MAP4: variants seen among roughly 807,000 people sequenced by gnomAD.
MAP4 encodes the protein microtubule associated protein 4, also known as microtubule-associated protein 4.
MAP4 carries 76 observed loss-of-function variants against 170.2 expected under a neutral mutation model. That is an observed-to-expected ratio of 0.45 (90% CI 0.37 to 0.54). The LOEUF (loss-of-function observed/expected upper bound fraction) is 0.54. Ranked by LOEUF, MAP4 falls within the 20% of genes least tolerant of loss-of-function variation. The pLI, the probability that MAP4 is intolerant of heterozygous loss-of-function variation, is 0.00. For missense variants in MAP4, 2,506 were observed against 2,748.0 expected, an observed-to-expected ratio of 0.91 and a Z score of 1.97; for synonymous variants, 909 against 994.5, an observed-to-expected ratio of 0.91 and a Z score of 1.62.
intron 1 of MAP4, among the ~76,000 whole-genome samples, chr3:48,026,839 T>C (rs1189182197): frequency 6.6e-6 from 1 of 152,240 alleles, no homozygotes; most frequent in East Asian, 1.9e-4. Context: ...AGTATTAAAA[T>C]GTTCTCCATA....
chr3:47,916,845 C>G lies in MAP4; in HGVS notation c.982G>C (p.Val328Leu). ...KDVRWPTETD[V>L]SSAKNVVLPT... ...AGTACCACATTCTTGGCTGAAGATA[C>G]ATCTGTTTCTGTGGGCCATCTGACA... The change falls in exon 7 of 21, where the codon GTA (valine) becomes CTA (leucine). Residue 328 changes from valine (V) to leucine (L), a missense_variant. Physicochemically the swap from Val to Leu is conservative, Grantham distance 32 (BLOSUM62 1). This residue lies in a region of MAP4 where 2,008 missense variants were observed against 2,206.0 expected (regional missense o/e 0.91). Transcript: ENST00000683076. 6.2e-7 allele frequency: 1 copy of G among 1,614,208 alleles called. No individual in the cohort carries two copies. Among genetic ancestry groups the G allele is most frequent in the South Asian group, 1.1e-5 (1 of 91,082 alleles).
chr3:47,946,345 A>G (rs2100059895), intron 3 of MAP4, among the ~76,000 whole-genome samples: 1 of 151,894 alleles, frequency 6.6e-6, no homozygotes, highest in African/African-American at 2.4e-5. Flanking sequence ...AGAGTAGGCC[A>G]AAACAAGAGT....
At chr3:47,961,340 A>AAAAC (rs550621157) in intron 3 of MAP4, among the ~76,000 whole-genome samples, 150 of 152,348 alleles carry the variant, frequency 9.8e-4, no homozygotes, top group African/African-American at 3.3e-3. Context: ...TGATTCTATT[A>AAAAC]AAACAAACAA....
intron 3 of MAP4, among the ~76,000 whole-genome samples, chr3:47,953,116 A>C (rs1052338823): frequency 3.3e-5 from 5 of 152,138 alleles, no homozygotes; most frequent in Admixed American, 2.6e-4. Flanking sequence ...GTGATTTTAC[A>C]ATGGTTCTGC....
chr3:48,044,242 C>T (rs1030857267), intron 1 of MAP4, among the ~76,000 whole-genome samples: 1 of 151,398 alleles, frequency 6.6e-6, no homozygotes, highest in Non-Finnish European at 1.5e-5. Flanking sequence ...GTAAGCTCCA[C>T]CTCCCAGGTT....
At chr3:48,008,687 G>A (rs1377214465) in intron 1 of MAP4, among the ~76,000 whole-genome samples, 1 of 152,168 alleles carries the variant, frequency 6.6e-6, no homozygotes, top group Non-Finnish European at 1.5e-5. Context: ...GCGGAGGAGG[G>A]GTTTAATAAT....
At chr3:47,943,059 G>A (rs1341825920) in intron 3 of MAP4, among the ~76,000 whole-genome samples, 7 of 152,056 alleles carry the variant, frequency 4.6e-5, no homozygotes. Flanking sequence ...ATTGCAGTGA[G>A]CTATGATAGA....
At position 47,915,885 on chromosome 3, in the gene MAP4, G is replaced by C. The variant is rs116531180; in HGVS notation, c.1876+66C>G. ...CTGTACTTTACCTGGCATGATGTTTGTCCTTAGTCTTCTCGAGACTACAAC... is the reference window on the plus strand; with the variant it reads ...CTGTACTTTACCTGGCATGATGTTTCTCCTTAGTCTTCTCGAGACTACAAC... On this transcript the variant is annotated intron_variant, in intron 7 of 20. Transcript: ENST00000683076. 1,235 of 1,516,838 alleles carry C rather than the reference G, an allele frequency of 8.1e-4. 13 individuals carry two copies. The African/African-American group carries it at 0.016, about 19-fold the overall frequency. 94.0% of individuals were successfully genotyped at this position (1,516,838 alleles called of 1,614,324 possible).
intron 1 of MAP4, among the ~76,000 whole-genome samples, chr3:48,050,683 C>T (rs547559810): frequency 4.0e-4 from 61 of 150,814 alleles, no homozygotes; most frequent in Non-Finnish European, 7.4e-4. Flanking sequence ...CTGAGGCAGG[C>T]GGATCACAGG....
intron 5 of MAP4, among the ~76,000 whole-genome samples, chr3:47,919,942 TTG>T: frequency 6.6e-6 from 1 of 150,680 alleles, no homozygotes; most frequent in African/African-American, 2.5e-5. Flanking sequence ...TTGTTGTTGT[TTG>T]CCCAGCTAAT....
intron 1 of MAP4, among the ~76,000 whole-genome samples, chr3:48,025,798 G>A (rs2100112752): frequency 6.6e-6 from 1 of 151,570 alleles, no homozygotes; most frequent in East Asian, 2.0e-4. Context: ...TACTCAGGAG[G>A]CTGAGGCAGG....
At chr3:47,875,128 T>C (rs145474116) in intron 12 of MAP4, among the ~76,000 whole-genome samples, 3 of 152,322 alleles carry the variant, frequency 2.0e-5, no homozygotes, top group African/African-American at 7.2e-5. Context: ...GCAAAGTAAG[T>C]TATCACATCA....
chr3:47,978,315 T>G (rs1332573302), intron 2 of MAP4, among the ~76,000 whole-genome samples: 2 of 151,894 alleles, frequency 1.3e-5, no homozygotes, highest in African/African-American at 4.8e-5. Flanking sequence ...GGCATTTGTT[T>G]TATTATTATT....
chr3:47,867,637 C>A (rs2151768280), intron 16 of MAP4, among the ~76,000 whole-genome samples: 1 of 152,364 alleles, frequency 6.6e-6, no homozygotes, highest in East Asian at 1.9e-4. Flanking sequence ...AAGGCCCAGG[C>A]AGCAGCCTAA....
intron 9 of MAP4, among the ~76,000 whole-genome samples, chr3:47,908,216 G>A (rs55938069): frequency 6.6e-6 from 1 of 152,144 alleles, no homozygotes; most frequent in Non-Finnish European, 1.5e-5. Flanking sequence ...GGGGAATTGG[G>A]GGTGGGGGGA....
At chr3:47,963,456 C>G (rs760960912) in intron 3 of MAP4, among the ~76,000 whole-genome samples, 3 of 152,152 alleles carry the variant, frequency 2.0e-5, no homozygotes, top group Non-Finnish European at 4.4e-5. Flanking sequence ...AACAACTTGC[C>G]TAAGAAATCA....
intron 1 of MAP4, among the ~76,000 whole-genome samples, chr3:48,076,988 T>G (rs139358023): frequency 1.2e-4 from 18 of 151,180 alleles, no homozygotes; most frequent in African/African-American, 3.9e-4. Flanking sequence ...ATTAAAATTG[T>G]TTTTTTTAAT....
chr3:47,891,875 A>G (rs1189676715), intron 10 of MAP4: 3 of 1,536,050 alleles, frequency 2.0e-6, no homozygotes, highest in South Asian at 2.4e-5. Context: ...GCTATTCTCC[A>G]TCTCTCCCGG....
At chr3:48,044,709 T>C (rs899744718) in intron 1 of MAP4, among the ~76,000 whole-genome samples, 1 of 146,826 alleles carries the variant, frequency 6.8e-6, no homozygotes, top group Non-Finnish European at 1.5e-5. Flanking sequence ...ACTACAGAGG[T>C]TGCGTGAGCT....
Sources: gnomAD v4.1 joint callset for allele counts (sites outside exome capture counted in the v4.1 genomes callset) on GRCh38, gnomAD v4.1.1 for gene constraint, gnomAD v4.1.1 regional missense constraint, MANE v1.5 for transcripts, NCBI Gene and HGNC (gene_info 2026-07-23, HGNC 2026-07-21) for gene names.